The following CSMD1 variants were observed in gnomAD, a reference collection of about 807,000 sequenced individuals.
CSMD1 encodes the protein CUB and sushi domain-containing protein 1.
Under a neutral mutation model 417.5 loss-of-function variants are expected in CSMD1, and 213 were observed. The ratio of observed to expected loss-of-function variants is 0.51; its 90% confidence interval spans 0.46 to 0.57. The LOEUF is 0.57. CSMD1 is among the 20% of genes least tolerant of loss of function. The probability of loss-of-function intolerance (pLI) is 0.00; values close to 1 mark genes in which losing one functional copy is unlikely to be tolerated. For synonymous variants in CSMD1, 2,862 were observed against 1,736.8 expected, an observed-to-expected ratio of 1.65 and a Z score of -16.11; for missense variants, 6,923 against 4,529.7, an observed-to-expected ratio of 1.53 and a Z score of -15.17.
chr8:3,886,117 C>G (rs769005619), intron 5 of CSMD1, among the ~76,000 whole-genome samples: 3 of 152,016 alleles, frequency 2.0e-5, no homozygotes, highest in African/African-American at 7.3e-5. Flanking sequence ...GTGCTGCGAT[C>G]TCAGCTCACT....
At chr8:3,798,463 C>G (rs549585098) in intron 5 of CSMD1, among the ~76,000 whole-genome samples, 2 of 152,046 alleles carry the variant, frequency 1.3e-5, no homozygotes, top group East Asian at 3.9e-4. Context: ...TCAGGAACCA[C>G]TTGATTCATA....
At chr8:3,653,361 T>C (rs1797953452) in intron 7 of CSMD1, among the ~76,000 whole-genome samples, 2 of 152,198 alleles carry the variant, frequency 1.3e-5, no homozygotes, top group South Asian at 2.1e-4. Flanking sequence ...CGGGCTGTAC[T>C]GCAGAGGCAT....
intron 26 of CSMD1, among the ~76,000 whole-genome samples, chr8:3,231,729 A>G (rs548222379): frequency 1.3e-4 from 20 of 152,326 alleles, no homozygotes; most frequent in Admixed American, 3.3e-4. Flanking sequence ...CATATGATAC[A>G]GACATCAAGG....
At chr8:3,182,841 G>GGGGGGTGTGTGTGTGTGTGT (rs768081848) in intron 36 of CSMD1, 7 of 11,478 alleles carry the variant, frequency 6.1e-4, no homozygotes, top group African/African-American at 1.3e-3. Context: ...TTTATAAGAA[G>GGGGGGTGTGTGTGTGTGTGT]GTGTGTGTGT....
chr8:3,316,745 G>A (rs572100332), intron 23 of CSMD1, among the ~76,000 whole-genome samples: 38 of 152,296 alleles, frequency 2.5e-4, no homozygotes, highest in African/African-American at 8.9e-4. Context: ...GGAAAGACTG[G>A]AAAGGACTCG....
chr8:3,088,029 C>T (rs1306106194), intron 48 of CSMD1, among the ~76,000 whole-genome samples: 1 of 152,168 alleles, frequency 6.6e-6, no homozygotes, highest in South Asian at 2.1e-4. Context: ...TATTAACCTT[C>T]TTTTTTAGCA....
intron 15 of CSMD1, among the ~76,000 whole-genome samples, chr8:3,404,776 C>G (rs1248681323): frequency 7.3e-6 from 1 of 136,640 alleles, no homozygotes; most frequent in South Asian, 2.4e-4. Context: ...GACACATGTG[C>G]CTGCATCCTC....
intron 12 of CSMD1, among the ~76,000 whole-genome samples, chr8:3,415,717 T>C (rs905621278): frequency 3.3e-5 from 5 of 152,202 alleles, no homozygotes; most frequent in Non-Finnish European, 5.9e-5. Context: ...ATGAAGATTT[T>C]ATATATTCTG....
intron 5 of CSMD1, among the ~76,000 whole-genome samples, chr8:3,908,248 A>G (rs1808238104): frequency 1.1e-5 from 1 of 91,378 alleles, no homozygotes; most frequent in African/African-American, 3.1e-5. Context: ...TTTAGGAGAT[A>G]TGAGAAAGCT....
At chr8:4,986,751 G>C (rs1235069537) in intron 1 of CSMD1, among the ~76,000 whole-genome samples, 1 of 152,136 alleles carries the variant, frequency 6.6e-6, no homozygotes, top group Non-Finnish European at 1.5e-5. Flanking sequence ...AGCATTGAAT[G>C]ATGGATACCG....
chr8:3,123,609 G>A (rs1326306123), intron 41 of CSMD1, among the ~76,000 whole-genome samples: 1 of 150,778 alleles, frequency 6.6e-6, no homozygotes, highest in Non-Finnish European at 1.5e-5. Flanking sequence ...AAAACGTTAA[G>A]AAAAAAAAAC....
At chr8:4,385,792 A>G (rs1005196653) in intron 3 of CSMD1, among the ~76,000 whole-genome samples, 4 of 152,156 alleles carry the variant, frequency 2.6e-5, no homozygotes, top group African/African-American at 9.7e-5. Flanking sequence ...GTATTTGTAG[A>G]GTGTTAATGT....
At chr8:3,787,095 G>C (rs937340212) in intron 5 of CSMD1, among the ~76,000 whole-genome samples, 1 of 152,054 alleles carries the variant, frequency 6.6e-6, no homozygotes, top group Admixed American at 6.6e-5. Context: ...GTTAAACCAA[G>C]CTTTATGGTA....
chr8:3,042,621 T>G (rs1306930495), intron 50 of CSMD1, among the ~76,000 whole-genome samples: 1 of 152,086 alleles, frequency 6.6e-6, no homozygotes, highest in Non-Finnish European at 1.5e-5. Flanking sequence ...CAGTGCTGAC[T>G]CCATCATGGA....
At chr8:4,413,719 T>G (rs1796775627) in intron 3 of CSMD1, among the ~76,000 whole-genome samples, 1 of 152,146 alleles carries the variant, frequency 6.6e-6, no homozygotes, top group Admixed American at 6.6e-5. Context: ...TAACATTGAT[T>G]AGGGGTTCTA....
At chr8:3,990,295 A>G (rs1209149428) in intron 5 of CSMD1, among the ~76,000 whole-genome samples, 1 of 152,188 alleles carries the variant, frequency 6.6e-6, no homozygotes, top group Non-Finnish European at 1.5e-5. Flanking sequence ...TTATAGGAAA[A>G]GTATTTTTCA....
At chr8:3,097,410 C>G (rs927333750) in intron 46 of CSMD1, among the ~76,000 whole-genome samples, 6 of 151,968 alleles carry the variant, frequency 3.9e-5, no homozygotes, top group East Asian at 3.9e-4. Flanking sequence ...AAATGTTATG[C>G]AATAAGAAAA....
chr8:4,181,493 A>T (rs1798372817), intron 3 of CSMD1, among the ~76,000 whole-genome samples: 2 of 152,154 alleles, frequency 1.3e-5, no homozygotes, highest in Admixed American at 1.3e-4. Context: ...ATAACTGATG[A>T]GCTTTAAAAA....
At chr8:3,748,983 G>C (rs1176754336) in intron 6 of CSMD1, among the ~76,000 whole-genome samples, 1 of 152,168 alleles carries the variant, frequency 6.6e-6, no homozygotes, top group Non-Finnish European at 1.5e-5. Context: ...GAAAATCAAT[G>C]GGAATTTCAT....
Sources: gnomAD v4.1 joint callset for allele counts (sites outside exome capture counted in the v4.1 genomes callset) on GRCh38, gnomAD v4.1.1 for gene constraint, MANE v1.5 for transcripts, NCBI Gene and HGNC (gene_info 2026-07-23, HGNC 2026-07-21) for gene names.